Variants in UNC13C observed in about 807,000 individuals in gnomAD.
UNC13C encodes the protein protein unc-13 homolog C.
Under a neutral mutation model 245.4 loss-of-function variants are expected in UNC13C, and 174 were observed. The ratio of observed to expected loss-of-function variants is 0.71; its 90% CI spans 0.63 to 0.80. The LOEUF is 0.80. Ranked by LOEUF, UNC13C falls within the 30% of genes least tolerant of loss-of-function variation. UNC13C has a pLI of 0.00. For missense variants in UNC13C, 2,829 were observed against 2,602.9 expected (o/e 1.09, Z -1.89); for synonymous variants, 992 against 895.1 (o/e 1.11, Z -1.93).
At chr15:53,976,477 C>CTCTCTTTTTTTTTTTTTT (rs1325952003), upstream of UNC13C, among the ~76,000 whole-genome samples, 6 of 63,022 alleles carry the variant, frequency 9.5e-5, no homozygotes. Context: ...CTCTCTCTCT[C>CTCTCTTTTTTTTTTTTTT]TTTTTTTTTT....
intron 4 of UNC13C, among the ~76,000 whole-genome samples, chr15:54,178,346 C>T (rs569983713): frequency 3.3e-5 from 5 of 152,188 alleles, no homozygotes; most frequent in South Asian, 2.1e-4. Flanking sequence ...TGAGTTTCCA[C>T]GGTAATTCTT....
At chr15:53,925,083 A>G in the UNC13C span, among the ~76,000 whole-genome samples, 1 of 152,164 alleles carries the variant, frequency 6.6e-6, no homozygotes, top group Admixed American at 6.5e-5. Flanking sequence ...AGAAAACAGC[A>G]CTTAGTTTCA....
At chr15:54,451,194 C>G (rs952083459) in intron 19 of UNC13C, among the ~76,000 whole-genome samples, 10 of 151,758 alleles carry the variant, frequency 6.6e-5, no homozygotes, top group Admixed American at 2.6e-4. Flanking sequence ...CAGGGTCAGT[C>G]TAGTGATGAG....
At chr15:54,274,653 G>T (rs911520615) in intron 10 of UNC13C, among the ~76,000 whole-genome samples, 21 of 137,768 alleles carry the variant, frequency 1.5e-4, no homozygotes, top group Non-Finnish European at 2.5e-4. Flanking sequence ...TGGTTAAAAA[G>T]CTAATAAAGT....
intron 13 of UNC13C, among the ~76,000 whole-genome samples, chr15:54,320,448 A>G (rs1257256943): frequency 6.6e-6 from 1 of 152,024 alleles, no homozygotes; most frequent in Non-Finnish European, 1.5e-5. Flanking sequence ...TTAGCAATCA[A>G]CATCAAGGGT....
chr15:54,608,200 A>G (rs1320152245), intron 30 of UNC13C, among the ~76,000 whole-genome samples: 2 of 152,228 alleles, frequency 1.3e-5, no homozygotes, highest in African/African-American at 2.4e-5. Context: ...CTAATGTAAC[A>G]GAAATTAAAT....
intron 14 of UNC13C, among the ~76,000 whole-genome samples, chr15:54,324,434 C>A (rs1013681578): frequency 1.3e-5 from 2 of 151,926 alleles, no homozygotes; most frequent in African/African-American, 4.8e-5. Context: ...ACATTTAGAC[C>A]TTTTCAAGTA....
At chr15:54,334,130 A>G (rs1196422243) in intron 16 of UNC13C, among the ~76,000 whole-genome samples, 1 of 152,122 alleles carries the variant, frequency 6.6e-6, no homozygotes, top group Non-Finnish European at 1.5e-5. Context: ...TGGATGTGGC[A>G]CTTAAAAAAT....
intron 4 of UNC13C, among the ~76,000 whole-genome samples, chr15:54,180,624 T>A (rs1185797771): frequency 6.6e-6 from 1 of 152,032 alleles, no homozygotes; most frequent in Non-Finnish European, 1.5e-5. Context: ...ACTAAGTGTA[T>A]AAGTGATCCC....
chr15:54,215,716 T>C (rs2140763774), intron 4 of UNC13C, among the ~76,000 whole-genome samples: 1 of 151,924 alleles, frequency 6.6e-6, no homozygotes, highest in East Asian at 1.9e-4. Flanking sequence ...TTGAGAAAAA[T>C]AGTGGTGAAA....
chr15:54,287,580 A>G (rs1239808423), intron 10 of UNC13C, among the ~76,000 whole-genome samples: 2 of 152,208 alleles, frequency 1.3e-5, no homozygotes, highest in African/African-American at 4.8e-5. Flanking sequence ...AGCTTATTTT[A>G]TCTTCCTATT....
intron 2 of UNC13C, among the ~76,000 whole-genome samples, chr15:54,035,107 A>G (rs1266830244): frequency 6.6e-6 from 1 of 152,056 alleles, no homozygotes; most frequent in African/African-American, 2.4e-5. Flanking sequence ...ATATACATTT[A>G]TAGGGATATT....
intron 2 of UNC13C, among the ~76,000 whole-genome samples, chr15:54,067,484 A>G (rs541745159): frequency 7.2e-5 from 11 of 152,328 alleles, no homozygotes; most frequent in African/African-American, 2.4e-4. Context: ...ATTTCAGTCA[A>G]TAAGTCATGC....
At chr15:54,414,351 A>G (rs961807604) in intron 18 of UNC13C, among the ~76,000 whole-genome samples, 2 of 152,178 alleles carry the variant, frequency 1.3e-5, no homozygotes, top group Non-Finnish European at 2.9e-5. Flanking sequence ...AGTGAGACAT[A>G]AAAAGACGGA....
intron 2 of UNC13C, among the ~76,000 whole-genome samples, chr15:54,043,842 A>T (rs1897033): frequency 0.22 from 33,647 of 152,188 alleles, 4,015 homozygotes; most frequent in East Asian, 0.25. Flanking sequence ...ATTATTAAAG[A>T]CCATTTCCCT....
At chr15:54,195,477 AC>A in intron 4 of UNC13C, among the ~76,000 whole-genome samples, 1 of 152,150 alleles carries the variant, frequency 6.6e-6, no homozygotes, top group East Asian at 1.9e-4. Flanking sequence ...TGTGTGGTCA[AC>A]CCTGTACTGT....
In UNC13C at chr15:54,538,586, A is replaced by T. The variant is rs565678868; in HGVS notation, c.5696+5520A>T. On this transcript the variant is annotated intron_variant, in intron 26 of 32. Coordinates refer to ENST00000260323, the MANE Select transcript of UNC13C (RefSeq NM_001080534.3). ...ACTGTTCACAATAGCAAAGACAAGG[A>T]ATCAACCTAAATAGCCCATCAATGG... Among the ~76,000 whole-genome samples the T allele has an allele frequency of 5.0e-4, 76 of 152,248 alleles. 1 individual carries two copies. The South Asian group carries it at 0.015, about 30-fold the overall frequency.
intron 2 of UNC13C, among the ~76,000 whole-genome samples, chr15:54,034,600 C>A (rs146867238): frequency 9.2e-5 from 14 of 152,258 alleles, no homozygotes; most frequent in African/African-American, 3.1e-4. Context: ...TTTAAGAATA[C>A]AATGATGTGA....
the UNC13C span, among the ~76,000 whole-genome samples, chr15:53,964,271 T>C: frequency 6.6e-6 from 1 of 152,182 alleles, no homozygotes; most frequent in Non-Finnish European, 1.5e-5. Context: ...GAAAGAGAAT[T>C]AACAATTTTG....
Sources: gnomAD v4.1 joint callset for allele counts (sites outside exome capture counted in the v4.1 genomes callset) on GRCh38, gnomAD v4.1.1 for gene constraint, MANE v1.5 for transcripts, NCBI Gene and HGNC (gene_info 2026-07-23, HGNC 2026-07-21) for gene names.